MICAL2: variants seen among roughly 807,000 people sequenced by gnomAD.
MICAL2 encodes the protein microtubule associated monooxygenase, calponin and LIM domain containing 2.
Under a neutral mutation model 127.3 loss-of-function variants are expected in MICAL2, and 77 were observed. That is an observed-to-expected ratio of 0.60 (90% confidence interval 0.50 to 0.73). The LOEUF is 0.73. MICAL2 is among the 30% of genes least tolerant of loss of function. MICAL2 has a pLI of 0.00. For synonymous variants in MICAL2, 570 were observed against 551.1 expected, an observed-to-expected ratio of 1.03 and a Z score of -0.48; for missense variants, 1,351 against 1,434.4, an observed-to-expected ratio of 0.94 and a Z score of 0.94.
intron 3 of MICAL2, among the ~76,000 whole-genome samples, chr11:12,168,582 G>T (rs1855837973): frequency 6.6e-6 from 1 of 151,284 alleles, no homozygotes; most frequent in Non-Finnish European, 1.5e-5. Context: ...CTTTAAATAT[G>T]TATATATAAA....
intron 26 of MICAL2, 169 bp from the exon 27 acceptor site, chr11:12,262,311 C>G: frequency 2.1e-6 from 3 of 1,456,922 alleles, no homozygotes; most frequent in Non-Finnish European, 2.7e-6. Flanking sequence ...AAAGGTTCAT[C>G]TCTCCTAAGC....
chr11:12,339,774 C>T (rs567141698), intron 32 of MICAL2, among the ~76,000 whole-genome samples: 18 of 152,248 alleles, frequency 1.2e-4, no homozygotes, highest in African/African-American at 2.9e-4. Flanking sequence ...ATTGGTGAAC[C>T]GCAAATGCTG....
At position 12,162,232 on chromosome 11, in the gene MICAL2, A is replaced by G. The variant is rs780505912; in HGVS notation, c.77A>G (p.Lys26Arg). ...FENFVQASTC[K>R]GTLQAFNILT... ...AACTTTGTCCAGGCATCCACGTGCA[A>G]AGGTACCCTCCAGGCCTTCAACATT... Residue 26 changes from lysine (K) to arginine (R), a missense_variant, in exon 3 of 28, where the codon AAA (lysine) becomes AGA (arginine). By Grantham distance (26) the Lys-to-Arg change is conservative (BLOSUM62 2). Transcript: ENST00000683283. 7 of 1,614,116 alleles carry G rather than the reference A, an allele frequency of 4.3e-6. No homozygotes were observed. The highest frequency in any genetic ancestry group is 8.5e-7 in the Non-Finnish European group (1 of 1,180,048).
chr11:12,238,109 TTAAC>T (rs1239471525), intron 16 of MICAL2, among the ~76,000 whole-genome samples: 3 of 152,104 alleles, frequency 2.0e-5, no homozygotes, highest in Non-Finnish European at 4.4e-5. Context: ...TAAAAAAAAA[TTAAC>T]TATAGCTTGC....
chr11:12,182,700 G>A (rs1246203482), intron 3 of MICAL2, among the ~76,000 whole-genome samples: 2 of 152,230 alleles, frequency 1.3e-5, no homozygotes, highest in African/African-American at 2.4e-5. Flanking sequence ...AGGTGGTGTC[G>A]TAATGCCTCA....
At chr11:12,327,353 C>T (rs142031598) in intron 32 of MICAL2, 1 of 1,095,396 alleles carries the variant, frequency 9.1e-7, no homozygotes, top group African/African-American at 1.6e-5. Context: ...ACCTTGTCAC[C>T]TGCTGGAGAT....
chr11:12,181,245 A>G (rs564563956), intron 3 of MICAL2, among the ~76,000 whole-genome samples: 4 of 152,190 alleles, frequency 2.6e-5, no homozygotes, highest in Non-Finnish European at 5.9e-5. Context: ...TGCCCGGCCT[A>G]TTCTTACATT....
chr11:12,149,258 G>A (rs750702473), intron 2 of MICAL2, among the ~76,000 whole-genome samples: 1 of 152,170 alleles, frequency 6.6e-6, no homozygotes, highest in Non-Finnish European at 1.5e-5. Flanking sequence ...GGGAAGTGAT[G>A]AGAGTAGAGG....
chr11:12,183,620 A>G (rs572713600), intron 3 of MICAL2, among the ~76,000 whole-genome samples: 1 of 152,312 alleles, frequency 6.6e-6, no homozygotes, highest in East Asian at 1.9e-4. Context: ...GCTTCAGGAC[A>G]TAGGAGAAGT....
chr11:12,320,458 C>T (rs993311685), intron 30 of MICAL2, among the ~76,000 whole-genome samples: 2 of 152,066 alleles, frequency 1.3e-5, no homozygotes, highest in Admixed American at 1.3e-4. Flanking sequence ...ACAGACATCC[C>T]ATAACCAAAG....
intron 15 of MICAL2, among the ~76,000 whole-genome samples, chr11:12,230,225 A>G (rs2706645): frequency 0.56 from 84,389 of 152,010 alleles, 24,596 homozygotes; most frequent in East Asian, 0.95. Context: ...ATGCTCTTTG[A>G]CCTCAACATT....
chr11:12,172,972 T>A (rs1856445393), intron 3 of MICAL2, among the ~76,000 whole-genome samples: 2 of 152,188 alleles, frequency 1.3e-5, no homozygotes, highest in South Asian at 4.1e-4. Flanking sequence ...TTGAAATATA[T>A]AACATACATA....
At chr11:12,179,782 T>A (rs1481343661) in intron 3 of MICAL2, among the ~76,000 whole-genome samples, 3 of 152,208 alleles carry the variant, frequency 2.0e-5, no homozygotes, top group African/African-American at 7.2e-5. Flanking sequence ...GTTGGTGTTG[T>A]TACCAAGTTA....
chr11:12,229,418 C>T (rs1278300295), intron 15 of MICAL2, among the ~76,000 whole-genome samples: 1 of 152,234 alleles, frequency 6.6e-6, no homozygotes, highest in Non-Finnish European at 1.5e-5. Context: ...GTAAATGGGG[C>T]TGTCTTCTGG....
intron 3 of MICAL2, among the ~76,000 whole-genome samples, chr11:12,166,454 C>G (rs1425553334): frequency 1.3e-5 from 2 of 152,182 alleles, no homozygotes; most frequent in African/African-American, 4.8e-5. Flanking sequence ...TTTCTGTATT[C>G]ACTTTAATTA....
At chr11:12,140,575 A>ATC (rs1852258927) in intron 2 of MICAL2, among the ~76,000 whole-genome samples, 1 of 151,820 alleles carries the variant, frequency 6.6e-6, no homozygotes, top group Non-Finnish European at 1.5e-5. Flanking sequence ...ACCCTGTGGA[A>ATC]TATTTGAGTT....
intron 2 of MICAL2, 133 bp downstream of exon 2, chr11:12,138,593 T>C (rs10765927): frequency 0.06 from 9,086 of 152,372 alleles, 398 homozygotes; most frequent in Admixed American, 0.12. Flanking sequence ...CTGTTCCCTC[T>C]GAGTCAGCAC....
At chr11:12,121,003 G>A (rs1291353948) in intron 1 of MICAL2, among the ~76,000 whole-genome samples, 4 of 152,206 alleles carry the variant, frequency 2.6e-5, no homozygotes, top group Non-Finnish European at 5.9e-5. Flanking sequence ...CCTGGCTTTT[G>A]ACCCACAGCC....
At chr11:12,274,911 G>A (rs568891302), upstream of MICAL2, among the ~76,000 whole-genome samples, 4 of 152,096 alleles carry the variant, frequency 2.6e-5, no homozygotes, top group East Asian at 7.8e-4. Context: ...AATAGACTGT[G>A]GGGGTGGGGC....
Sources: gnomAD v4.1 joint callset for allele counts (sites outside exome capture counted in the v4.1 genomes callset) on GRCh38, gnomAD v4.1.1 for gene constraint, MANE v1.5 for transcripts, NCBI Gene and HGNC (gene_info 2026-07-23, HGNC 2026-07-21) for gene names.